CEP112: variants seen among roughly 807,000 people sequenced by gnomAD.
CEP112 encodes the protein centrosomal protein 112.
A neutral mutation model predicts 153.0 loss-of-function variants in CEP112; 127 were observed. That is an observed-to-expected ratio of 0.83 (90% CI 0.72 to 0.96). CEP112 has a LOEUF of 0.96. Ranked by LOEUF, CEP112 falls within the 40% of genes least tolerant of loss-of-function variation. CEP112 has a pLI of 0.00. For missense variants in CEP112, 1,089 were observed against 1,101.2 expected (o/e 0.99, Z 0.16); for synonymous variants, 358 against 374.4 (o/e 0.96, Z 0.51).
intron 4 of CEP112, among the ~76,000 whole-genome samples, chr17:66,139,028 G>GA (rs943117064): frequency 1.1e-4 from 17 of 150,622 alleles, no homozygotes; most frequent in African/African-American, 2.4e-5. Flanking sequence ...TATTAAAAAA[G>GA]AAAAAAAACT....
chr17:65,863,616 G>A (rs1291914273), intron 20 of CEP112, among the ~76,000 whole-genome samples: 7 of 150,798 alleles, frequency 4.6e-5, no homozygotes, highest in Admixed American at 1.3e-4. Flanking sequence ...AAAATTAGCC[G>A]GGTGCAGTGG....
intron 11 of CEP112, among the ~76,000 whole-genome samples, chr17:66,061,327 T>C (rs1449447080): frequency 6.6e-6 from 1 of 152,102 alleles, no homozygotes; most frequent in African/African-American, 2.4e-5. Flanking sequence ...TATATACTGC[T>C]AGAGGGAATA....
intron 6 of CEP112, among the ~76,000 whole-genome samples, chr17:66,126,584 G>T (rs1370990099): frequency 6.6e-6 from 1 of 151,786 alleles, no homozygotes; most frequent in African/African-American, 2.4e-5. Context: ...ACTAAATGTT[G>T]AAAAGTTTAA....
At chr17:65,987,787 C>A (rs1043797372) in intron 17 of CEP112, among the ~76,000 whole-genome samples, 2 of 152,164 alleles carry the variant, frequency 1.3e-5, no homozygotes, top group African/African-American at 4.8e-5. Flanking sequence ...TGTCCCTCCC[C>A]TCCAATCTGC....
chr17:65,984,868 A>T lies in CEP112; in HGVS notation c.1736+20822T>A, dbSNP rs368420056. On this transcript the variant is annotated intron_variant, in intron 17 of 26. Transcript: ENST00000535342. The stretch of plus-strand genomic sequence containing the variant: ...TCTAGAGTAAGACAAGAGTAGGATG[A>T]ACATGCAAAAAAGACCAAGAGGGAT... Among the ~76,000 whole-genome samples, 90 of 152,278 alleles carry T rather than the reference A, an allele frequency of 5.9e-4. 4 individuals carry two copies. The South Asian group carries it at 0.017, about 29-fold the overall frequency.
intron 23 of CEP112, among the ~76,000 whole-genome samples, chr17:65,736,726 G>A (rs1169157350): frequency 6.6e-6 from 1 of 152,174 alleles, no homozygotes; most frequent in African/African-American, 2.4e-5. Context: ...GATGTTCACG[G>A]TCTTCTAACT....
chr17:66,142,014 C>T (rs1443358023), intron 4 of CEP112, among the ~76,000 whole-genome samples: 3 of 152,106 alleles, frequency 2.0e-5, no homozygotes, highest in Non-Finnish European at 4.4e-5. Flanking sequence ...ACAAAGATTC[C>T]CTTTTCTCCA....
intron 12 of CEP112, among the ~76,000 whole-genome samples, chr17:66,034,349 A>G (rs1488804699): frequency 1.3e-5 from 2 of 152,226 alleles, no homozygotes; most frequent in Non-Finnish European, 2.9e-5. Context: ...AAGAAATCCA[A>G]CATAGAGGTA....
intron 16 of CEP112, among the ~76,000 whole-genome samples, chr17:66,007,223 C>T (rs1026574153): frequency 2.0e-5 from 3 of 152,072 alleles, no homozygotes; most frequent in Non-Finnish European, 4.4e-5. Context: ...AGTAAGAATA[C>T]ACTGAGAGGC....
intron 23 of CEP112, among the ~76,000 whole-genome samples, chr17:65,694,832 T>A (rs149921232): frequency 2.6e-5 from 4 of 152,272 alleles, no homozygotes; most frequent in African/African-American, 9.6e-5. Flanking sequence ...AAATTTGACA[T>A]TTCACACACA....
intron 19 of CEP112, among the ~76,000 whole-genome samples, chr17:65,916,535 G>A (rs1411960119): frequency 6.6e-6 from 1 of 151,688 alleles, no homozygotes; most frequent in East Asian, 1.9e-4. Flanking sequence ...CAGGAAAACA[G>A]CTTCTTTTTT....
intron 23 of CEP112, among the ~76,000 whole-genome samples, chr17:65,710,389 T>C (rs2049115483): frequency 6.6e-6 from 1 of 152,232 alleles, no homozygotes; most frequent in East Asian, 1.9e-4. Context: ...TCTGTGATTT[T>C]CTTATTAATT....
intron 20 of CEP112, among the ~76,000 whole-genome samples, chr17:65,861,399 A>C (rs961189077): frequency 6.6e-6 from 1 of 152,240 alleles, no homozygotes; most frequent in African/African-American, 2.4e-5. Flanking sequence ...GAAAAGATTG[A>C]TGAATTAGAT....
chr17:66,065,561 C>G (rs1028701239), intron 10 of CEP112, among the ~76,000 whole-genome samples: 1 of 152,042 alleles, frequency 6.6e-6, no homozygotes, highest in African/African-American at 2.4e-5. Flanking sequence ...AAAGTTCAAG[C>G]TTCTAAATCT....
intron 15 of CEP112, 42 bp downstream of exon 15, chr17:66,028,271 G>C: frequency 8.3e-7 from 1 of 1,206,318 alleles, no homozygotes; most frequent in Admixed American, 1.8e-5. Flanking sequence ...CAAGAAAACT[G>C]TGTTTGACCA....
At chr17:65,835,125 A>G (rs2146158980) in intron 21 of CEP112, among the ~76,000 whole-genome samples, 1 of 151,978 alleles carries the variant, frequency 6.6e-6, no homozygotes, top group South Asian at 2.1e-4. Context: ...TCTCACTTGT[A>G]AGTAGTAGCT....
At chr17:65,787,321 A>C (rs2145690926) in intron 21 of CEP112, among the ~76,000 whole-genome samples, 1 of 152,222 alleles carries the variant, frequency 6.6e-6, no homozygotes, top group South Asian at 2.1e-4. Context: ...TCTCTACAAA[A>C]AATTTTAAAA....
chr17:66,168,244 A>G (rs2072065453), intron 4 of CEP112, among the ~76,000 whole-genome samples: 1 of 152,236 alleles, frequency 6.6e-6, no homozygotes, highest in East Asian at 1.9e-4. Context: ...TGGTACCCAG[A>G]AAGATTCCCT....
chr17:66,158,852 A>G (rs982445689), intron 4 of CEP112, among the ~76,000 whole-genome samples: 34 of 152,344 alleles, frequency 2.2e-4, no homozygotes, highest in African/African-American at 7.7e-4. Flanking sequence ...AACTAAGATC[A>G]GAGCAGAACT....
Sources: gnomAD v4.1 joint callset for allele counts (sites outside exome capture counted in the v4.1 genomes callset) on GRCh38, gnomAD v4.1.1 for gene constraint, MANE v1.5 for transcripts, NCBI Gene and HGNC (gene_info 2026-07-23, HGNC 2026-07-21) for gene names.